Variants in MAST4 observed in about 807,000 individuals in gnomAD.
MAST4 encodes the protein microtubule associated serine/threonine kinase family member 4, also known as microtubule-associated serine/threonine-protein kinase 4.
MAST4 carries 89 observed loss-of-function variants against 162.7 expected under a neutral mutation model. The ratio of observed to expected loss-of-function variants is 0.55; its 90% CI spans 0.46 to 0.65. The LOEUF is 0.65. Ranked by LOEUF, MAST4 falls within the 30% of genes least tolerant of loss-of-function variation. MAST4 has a pLI of 0.00. For missense variants in MAST4, 3,153 were observed against 3,374.0 expected, an observed-to-expected ratio of 0.93 and a Z score of 1.62; for synonymous variants, 1,479 against 1,361.1, an observed-to-expected ratio of 1.09 and a Z score of -1.91.
intron 4 of MAST4, among the ~76,000 whole-genome samples, chr5:66,926,842 A>G (rs1764943170): frequency 6.6e-6 from 1 of 152,142 alleles, no homozygotes; most frequent in African/African-American, 2.4e-5. Flanking sequence ...TTTTCTTTGT[A>G]CTAAAAGTAT....
At chr5:66,615,430 G>T (rs1743606818) in intron 1 of MAST4, among the ~76,000 whole-genome samples, 1 of 152,156 alleles carries the variant, frequency 6.6e-6, no homozygotes, top group Admixed American at 6.5e-5. Flanking sequence ...AGCACAACAG[G>T]CTAGAGGCCC....
chr5:66,636,456 A>G (rs1745127234), intron 1 of MAST4, among the ~76,000 whole-genome samples: 1 of 152,200 alleles, frequency 6.6e-6, no homozygotes, highest in African/African-American at 2.4e-5. Context: ...AAGCTAATTC[A>G]ATAAAAGCAA....
At chr5:66,698,824 A>G (rs1192748440) in intron 1 of MAST4, among the ~76,000 whole-genome samples, 1 of 152,028 alleles carries the variant, frequency 6.6e-6, no homozygotes, top group Non-Finnish European at 1.5e-5. Context: ...CATCCCCCAC[A>G]CAAGTTCTGT....
intron 5 of MAST4, among the ~76,000 whole-genome samples, chr5:67,069,528 C>G (rs1382253014): frequency 6.6e-6 from 1 of 151,852 alleles, no homozygotes; most frequent in East Asian, 1.9e-4. Flanking sequence ...TGGTTGGGCC[C>G]AACAGACATA....
chr5:66,921,609 A>T (rs1580883617), intron 4 of MAST4, among the ~76,000 whole-genome samples: 1 of 152,118 alleles, frequency 6.6e-6, no homozygotes, highest in East Asian at 1.9e-4. Context: ...AAAATACAAA[A>T]ATTAGCCGGT....
intron 5 of MAST4, among the ~76,000 whole-genome samples, chr5:67,080,447 G>A (rs978057268): frequency 6.6e-6 from 1 of 152,118 alleles, no homozygotes; most frequent in African/African-American, 2.4e-5. Context: ...TTCTCTGAAG[G>A]TTGACATTTG....
At chr5:66,746,018 G>C (rs1752737654) in intron 1 of MAST4, among the ~76,000 whole-genome samples, 1 of 152,134 alleles carries the variant, frequency 6.6e-6, no homozygotes, top group South Asian at 2.1e-4. Context: ...GTTCTGGTCT[G>C]CGTTCGTGCA....
chr5:66,658,329 ATTC>A (rs1290834283), intron 1 of MAST4, among the ~76,000 whole-genome samples: 1 of 152,244 alleles, frequency 6.6e-6, no homozygotes, highest in East Asian at 1.9e-4. Context: ...ATGCAGTTCC[ATTC>A]TTGAGAAAAA....
rs1445218691 is a variant in MAST4 at position 67,165,815 on chromosome 5, C to T, written c.6636C>T (p.Leu2212=). The change falls in exon 29 of 29, where the codon CTC becomes CTT. Residue 2212 remains leucine (L), a synonymous_variant. Transcript: ENST00000403625. ...AGACTAAGCACCCCGACCGGTCCCT[C>T]TCCTCTCAGAAACCAAGTGTCGGGG... is the stretch of plus-strand genomic sequence containing the variant. ...PPKTKHPDRS[L]SSQKPSVGAT... 2 of 1,612,570 alleles carry T rather than the reference C, an allele frequency of 1.2e-6. No individual in the cohort carries two copies. The highest frequency in any genetic ancestry group is 2.7e-5 in the African/African-American group (2 of 74,922).
intron 26 of MAST4, among the ~76,000 whole-genome samples, chr5:67,159,528 C>G (rs935067864): frequency 2.0e-5 from 3 of 152,178 alleles, no homozygotes; most frequent in African/African-American, 4.8e-5. Context: ...AGGTATCTTC[C>G]AGGCATGGGC....
At chr5:67,081,085 T>TAGATA (rs1554094415) in intron 5 of MAST4, among the ~76,000 whole-genome samples, 2 of 63,224 alleles carry the variant, frequency 3.2e-5, no homozygotes, top group African/African-American at 3.1e-4. Context: ...TTGTATATAT[T>TAGATA]ATATAATATA....
intron 3 of MAST4, among the ~76,000 whole-genome samples, chr5:66,860,279 C>T (rs1760001571): frequency 6.6e-6 from 1 of 152,172 alleles, no homozygotes; most frequent in Admixed American, 6.5e-5. Context: ...GAGTGTAACA[C>T]ATAGGAACTG....
chr5:67,116,286 A>G (rs1288272039), intron 12 of MAST4, among the ~76,000 whole-genome samples: 1 of 151,562 alleles, frequency 6.6e-6, no homozygotes, highest in African/African-American at 2.4e-5. Context: ...GCTCACTGCA[A>G]CCTCCGTCTC....
At position 67,060,963 on chromosome 5, in the gene MAST4, A is replaced by G. The variant is rs150552205; in HGVS notation, c.763+6471A>G. Among the ~76,000 whole-genome samples, 10 of 152,294 alleles carry G rather than the reference A, an allele frequency of 6.6e-5. No individual in the cohort carries two copies. The East Asian group carries it at 1.9e-3, about 29-fold the overall frequency. ...AAAATTTTAAGAGAGTTTATAGGCT[A>G]TGTTGCCATGACTCTAATCTTCAAG... On this transcript the variant is annotated intron_variant, in intron 5 of 28. Coordinates refer to ENST00000403625, the MANE Select transcript of MAST4 (RefSeq NM_001164664.2).
intron 1 of MAST4, among the ~76,000 whole-genome samples, chr5:66,627,734 A>C (rs79891201): frequency 1.5e-4 from 23 of 151,134 alleles, no homozygotes; most frequent in African/African-American, 5.3e-4. Flanking sequence ...AAAAAAAAAA[A>C]GCTGAAATAG....
At chr5:66,610,431 T>A (rs1743215294) in intron 1 of MAST4, among the ~76,000 whole-genome samples, 8 of 152,206 alleles carry the variant, frequency 5.3e-5, no homozygotes, top group Admixed American at 5.2e-4. Context: ...GTAATAGTGC[T>A]AGAAATGGTG....
rs116463838 is a variant in MAST4 at position 66,899,853 on chromosome 5, G to C, written c.643-98G>C. On this transcript the variant is annotated intron_variant, in intron 3 of 28. Coordinates refer to ENST00000403625, the MANE Select transcript of MAST4 (RefSeq NM_001164664.2). ...CAGTATAAGAAATGCCAAATCAAGCGTAATGAAGGATGATACATTCTACGT... is the reference window on the plus strand; with the variant it reads ...CAGTATAAGAAATGCCAAATCAAGCCTAATGAAGGATGATACATTCTACGT... 1.0e-2 allele frequency: 9,407 copies of C among 944,380 alleles called. 69 individuals are homozygous for C. The highest frequency in any genetic ancestry group is 0.015 in the Middle Eastern group (54 of 3,596). 58.5% of individuals were successfully genotyped at this position (944,380 alleles called of 1,614,324 possible). A position where few individuals can be genotyped will look rare whatever the true frequency, so the allele number is the denominator to read the frequency against.
chr5:67,033,905 T>C (rs760112571), intron 4 of MAST4, among the ~76,000 whole-genome samples: 4 of 152,142 alleles, frequency 2.6e-5, no homozygotes, highest in Non-Finnish European at 5.9e-5. Flanking sequence ...CAATGAAGTA[T>C]GAGAATAGAT....
chr5:66,984,744 A>T (rs995138297), intron 4 of MAST4, among the ~76,000 whole-genome samples: 1 of 141,374 alleles, frequency 7.1e-6, no homozygotes, highest in African/African-American at 2.6e-5. Context: ...TTGCCAAGGG[A>T]TGAGTTGGAG....
Sources: gnomAD v4.1 joint callset for allele counts (sites outside exome capture counted in the v4.1 genomes callset) on GRCh38, gnomAD v4.1.1 for gene constraint, MANE v1.5 for transcripts, NCBI Gene and HGNC (gene_info 2026-07-23, HGNC 2026-07-21) for gene names.